The following LDB2 variants were observed in gnomAD, a reference collection of about 807,000 sequenced individuals.
LDB2 encodes the protein LIM domain-binding protein 2.
Under a neutral mutation model 44.3 loss-of-function variants are expected in LDB2, and 12 were observed. The ratio of observed to expected loss-of-function variants is 0.27; its 90% CI spans 0.17 to 0.44. LDB2 has a LOEUF of 0.44. Among genes scored for constraint, LDB2 ranks in the 20% least tolerant of loss-of-function variants. The pLI is 1.00. For synonymous variants in LDB2, 164 were observed against 174.8 expected, an observed-to-expected ratio of 0.94 and a Z score of 0.49; for missense variants, 344 against 473.5, an observed-to-expected ratio of 0.73 and a Z score of 2.54.
At chr4:16,665,813 G>A (rs915991053) in intron 2 of LDB2, among the ~76,000 whole-genome samples, 7 of 152,154 alleles carry the variant, frequency 4.6e-5, no homozygotes, top group East Asian at 1.9e-4. Flanking sequence ...AGATCATCCC[G>A]GACTGGGGCA....
At chr4:16,705,888 C>A (rs1307652814) in intron 2 of LDB2, among the ~76,000 whole-genome samples, 1 of 152,118 alleles carries the variant, frequency 6.6e-6, no homozygotes, top group South Asian at 2.1e-4. Flanking sequence ...GATAAAGAAA[C>A]AATCCTACTT....
chr4:16,754,366 T>TCCTG (rs1349957980), intron 2 of LDB2, among the ~76,000 whole-genome samples: 6 of 152,198 alleles, frequency 3.9e-5, no homozygotes, highest in Non-Finnish European at 8.8e-5. Context: ...ACTTGATAAG[T>TCCTG]CCTGCCCAGT....
chr4:16,858,253 G>C (rs923904635), intron 1 of LDB2, among the ~76,000 whole-genome samples: 1 of 152,180 alleles, frequency 6.6e-6, no homozygotes, highest in Non-Finnish European at 1.5e-5. Context: ...AATACTCAAA[G>C]CAAGGAGTTG....
intron 2 of LDB2, among the ~76,000 whole-genome samples, chr4:16,724,985 G>A (rs952734165): frequency 7.9e-5 from 12 of 152,056 alleles, no homozygotes; most frequent in Non-Finnish European, 1.2e-4. Context: ...CCATGTCATT[G>A]GTAGAAACAG....
intron 2 of LDB2, among the ~76,000 whole-genome samples, chr4:16,612,075 C>A (rs1356940228): frequency 1.3e-5 from 2 of 152,180 alleles, no homozygotes; most frequent in African/African-American, 2.4e-5. Context: ...AAAAACCACA[C>A]AATTTCATGG....
chr4:16,781,060 T>C (rs1008579149), intron 1 of LDB2, among the ~76,000 whole-genome samples: 2 of 152,208 alleles, frequency 1.3e-5, no homozygotes, highest in African/African-American at 2.4e-5. Flanking sequence ...ATTAATTGAC[T>C]CTTTCCATGG....
intron 1 of LDB2, among the ~76,000 whole-genome samples, chr4:16,817,213 G>A (rs993501068): frequency 1.3e-5 from 2 of 152,078 alleles, no homozygotes; most frequent in East Asian, 1.9e-4. Context: ...TGAACTTTAC[G>A]ACACTTAATC....
At chr4:16,706,468 A>G (rs142010345) in intron 2 of LDB2, among the ~76,000 whole-genome samples, 10 of 152,336 alleles carry the variant, frequency 6.6e-5, no homozygotes, top group Middle Eastern at 3.4e-3. Flanking sequence ...GGACTTCCCA[A>G]TTCTAGAACT....
At chr4:16,557,554 G>T (rs375621887) in intron 5 of LDB2, among the ~76,000 whole-genome samples, 5 of 152,234 alleles carry the variant, frequency 3.3e-5, no homozygotes, top group African/African-American at 1.2e-4. Flanking sequence ...AAACAAAGCA[G>T]CCGGGAAGCT....
At chr4:16,824,139 G>A (rs1782604904) in intron 1 of LDB2, among the ~76,000 whole-genome samples, 1 of 152,146 alleles carries the variant, frequency 6.6e-6, no homozygotes, top group Non-Finnish European at 1.5e-5. Flanking sequence ...TCCATTTGAG[G>A]GAGGGCAGAC....
chr4:16,718,214 A>T (rs1757495475), intron 2 of LDB2, among the ~76,000 whole-genome samples: 1 of 151,998 alleles, frequency 6.6e-6, no homozygotes, highest in Non-Finnish European at 1.5e-5. Context: ...GGTACTGGGG[A>T]AATAGAGACA....
intron 2 of LDB2, among the ~76,000 whole-genome samples, chr4:16,604,959 G>A (rs1450500312): frequency 6.6e-6 from 1 of 152,092 alleles, no homozygotes; most frequent in Non-Finnish European, 1.5e-5. Context: ...CGCTCTATTT[G>A]AGCCACTTGC....
At chr4:16,595,964 C>T (rs1023568402) in intron 2 of LDB2, 89 bp from the exon 3 acceptor site, 14 of 1,293,814 alleles carry the variant, frequency 1.1e-5, no homozygotes, top group African/African-American at 4.4e-5. Flanking sequence ...CTCCTAAAAC[C>T]GGATACTGAT....
At chr4:16,897,469 C>T (rs1725362461) in intron 1 of LDB2, among the ~76,000 whole-genome samples, 1 of 152,144 alleles carries the variant, frequency 6.6e-6, no homozygotes, top group African/African-American at 2.4e-5. Context: ...GAGAAAAAGT[C>T]AACTGACATA....
chr4:16,640,746 G>A (rs77256396), intron 2 of LDB2, among the ~76,000 whole-genome samples: 3,020 of 152,208 alleles, frequency 0.02, 26 homozygotes, highest in East Asian at 0.04. Context: ...GACAGATACA[G>A]GATCAAACTC....
chr4:16,777,615 T>G (rs1231892848), intron 1 of LDB2, among the ~76,000 whole-genome samples: 1 of 152,132 alleles, frequency 6.6e-6, no homozygotes, highest in Non-Finnish European at 1.5e-5. Flanking sequence ...CATGATCAAT[T>G]TAGAGTTCTA....
chr4:16,818,702 G>C (rs1439134206), intron 1 of LDB2, among the ~76,000 whole-genome samples: 5 of 152,192 alleles, frequency 3.3e-5, no homozygotes, highest in African/African-American at 9.6e-5. Context: ...AAAGAGGTTA[G>C]AGAATCTACC....
intron 2 of LDB2, among the ~76,000 whole-genome samples, chr4:16,627,162 C>T (rs371048576): frequency 3.5e-4 from 53 of 152,224 alleles, no homozygotes; most frequent in Non-Finnish European, 5.6e-4. Context: ...AGGTCAGTGA[C>T]GAAACCATTA....
At chr4:16,878,935 T>C (rs998220705) in intron 1 of LDB2, among the ~76,000 whole-genome samples, 1 of 152,234 alleles carries the variant, frequency 6.6e-6, no homozygotes, top group Non-Finnish European at 1.5e-5. Flanking sequence ...CACAGAAACA[T>C]GCTTGATTCC....
Sources: gnomAD v4.1 joint callset for allele counts (sites outside exome capture counted in the v4.1 genomes callset) on GRCh38, gnomAD v4.1.1 for gene constraint, MANE v1.5 for transcripts, NCBI Gene and HGNC (gene_info 2026-07-23, HGNC 2026-07-21) for gene names.